TTYH2: variants seen among roughly 807,000 people sequenced by gnomAD.
TTYH2 encodes protein tweety homolog 2.
Under a neutral mutation model 68.3 loss-of-function variants are expected in TTYH2, and 49 were observed. The observed-to-expected ratio is 0.72, with a 90% CI of 0.57 to 0.91. The LOEUF (loss-of-function observed/expected upper bound fraction) is 0.91. TTYH2 is among the 40% of genes least tolerant of loss of function. The probability of loss-of-function intolerance (pLI) is 0.00; values close to 1 mark genes in which losing one functional copy is unlikely to be tolerated. For synonymous variants in TTYH2, 272 were observed against 300.8 expected (o/e 0.90, Z 0.99); for missense variants, 631 against 700.4 (o/e 0.90, Z 1.12).
chr17:74,252,244 A>T lies in TTYH2; in HGVS notation c.1127A>T (p.Asp376Val). Residue 376 changes from aspartate (D) to valine (V), a missense_variant, in exon 11 of 14, where the codon GAC becomes GTC. By Grantham distance (152) the Asp-to-Val change is radical. Transcript: ENST00000269346. ...DCRGLHKDYL[D>V]ALAGICYDGL... ...CTCCTCTTCCTCCAGGATTATCTGG[A>T]CGCTCTTGCTGGCATCTGCTACGAC... The T allele has an allele frequency of 1.2e-6, 2 of 1,612,802 alleles. No individual in the cohort carries two copies. Among genetic ancestry groups the T allele is most frequent in the Middle Eastern group, 1.6e-4 (1 of 6,062 alleles).
intron 6 of TTYH2, among the ~76,000 whole-genome samples, chr17:74,245,245 G>A (rs2050545147): frequency 6.6e-6 from 1 of 152,232 alleles, no homozygotes; most frequent in Non-Finnish European, 1.5e-5. Context: ...AGTGACCACG[G>A]ACCAAGGAAT....
At chr17:74,225,996 G>A (rs2050326022) in intron 2 of TTYH2, among the ~76,000 whole-genome samples, 1 of 152,256 alleles carries the variant, frequency 6.6e-6, no homozygotes, top group African/African-American at 2.4e-5. Flanking sequence ...GAGTCAGCTA[G>A]GGAGGTTTGG....
rs767399506 is a variant in TTYH2, at chr17:74,213,706, G to A, written c.119G>A (p.Ser40Asn). Residue 40 changes from serine to asparagine, a missense_variant, in exon 1 of 14, where the codon AGT (serine) becomes AAT (asparagine). Coordinates refer to ENST00000269346, the MANE Select transcript of TTYH2 (RefSeq NM_032646.6). This position sits in a 1 kb window ranked among gnomAD's most constrained non-coding sequence, Gnocchi z 6.1. Reference protein sequence around the residue: ...VNSTFSPGDESYQESLLFLGL... With the variant: ...VNSTFSPGDENYQESLLFLGL... ...AGCACCTTCAGCCCCGGCGACGAGA[G>A]TTACCAGGAGGTAAGTTTACGCCGC... 1.2e-6 allele frequency: 2 copies of A among 1,612,316 alleles called. No homozygotes were observed. Among genetic ancestry groups the A allele is most frequent in the Non-Finnish European group, 1.7e-6 (2 of 1,179,370 alleles).
intron 10 of TTYH2, 151 bp downstream of exon 10, chr17:74,250,508 G>A (rs1193608599): frequency 1.5e-6 from 1 of 656,336 alleles, no homozygotes; most frequent in Non-Finnish European, 2.6e-6. Flanking sequence ...TGGGAAGGGA[G>A]GGGGTGCCTG....
chr17:74,226,960 T>A (rs535013236), intron 2 of TTYH2, among the ~76,000 whole-genome samples: 13 of 152,124 alleles, frequency 8.5e-5, no homozygotes, highest in African/African-American at 2.9e-4. Context: ...TCTTTTCTCT[T>A]CCTTTCCTTT....
Position 74,250,362 on chromosome 17 carries a change from A to G in TTYH2, c.1116+5A>G, listed in dbSNP as rs1212237527. 4.3e-6 allele frequency: 7 copies of G among 1,612,192 alleles called. No individual in the cohort carries two copies. The highest frequency in any genetic ancestry group is 2.7e-5 in the African/African-American group (2 of 74,904). On this transcript the variant is annotated splice_donor_5th_base_variant and intron_variant, in intron 10 of 13. Coordinates refer to ENST00000269346, the MANE Select transcript of TTYH2 (RefSeq NM_032646.6). ...GACTGCCGAGGGCTGCACAAGGTGC[A>G]TGGGGACCCTGGGGTCACGTGGAGA...
chr17:74,242,432 G>A (rs1182346717), intron 4 of TTYH2, among the ~76,000 whole-genome samples: 2 of 152,144 alleles, frequency 1.3e-5, no homozygotes, highest in Non-Finnish European at 2.9e-5. Flanking sequence ...TCACTCTGTG[G>A]CCCAGGCTGG....
intron 4 of TTYH2, among the ~76,000 whole-genome samples, chr17:74,237,900 T>C (rs1036280085): frequency 6.6e-6 from 1 of 152,166 alleles, no homozygotes; most frequent in Non-Finnish European, 1.5e-5. Flanking sequence ...CCCAAAGTGC[T>C]GGGATTACAG....
At chr17:74,240,513 C>T (rs530713041) in intron 4 of TTYH2, among the ~76,000 whole-genome samples, 36 of 152,286 alleles carry the variant, frequency 2.4e-4, no homozygotes, top group Admixed American at 1.6e-3. Context: ...TATTCTACCC[C>T]TTCTCCTGTC....
chr17:74,237,311 G>A lies in TTYH2; in HGVS notation c.432G>A (p.Gln144=). 1 of 1,614,132 alleles carries A rather than the reference G, an allele frequency of 6.2e-7. No homozygotes were observed. Among genetic ancestry groups the A allele is most frequent in the African/African-American group, 1.3e-5 (1 of 75,026 alleles). The change falls in exon 4 of 14, where the codon CAG becomes CAA. Residue 144 remains glutamine, a synonymous_variant. Transcript: ENST00000269346. ...GIDALVSGTT[Q]KMKVDLEQHL... is the part of the protein sequence containing the mutation. ...CTCCCTAGGTTTCCGGAACTACCCA[G>A]AAGATGAAGGTGGACCTAGAGCAGC...
chr17:74,213,808 C>A lies in TTYH2; in HGVS notation c.129+92C>A. ...TCGAGAGCCTGCACTTTCCCACGTG[C>A]CTCTCAGACCCCTTCTCTCCCCGCG... is the stretch of plus-strand genomic sequence containing the variant. On this transcript the variant is annotated intron_variant, in intron 1 of 13. Coordinates refer to ENST00000269346, the MANE Select transcript of TTYH2 (RefSeq NM_032646.6). This position sits in a 1 kb window ranked among gnomAD's most constrained non-coding sequence, Gnocchi z 6.1. 1 of 1,457,948 alleles carries A rather than the reference C, an allele frequency of 6.9e-7. No individual in the cohort carries two copies. The highest frequency in any genetic ancestry group is 9.3e-7 in the Non-Finnish European group (1 of 1,071,926). The allele number at this position is 1,457,948 out of a possible 1,614,324, so 90.3% of individuals were successfully genotyped here.
intron 1 of TTYH2, among the ~76,000 whole-genome samples, chr17:74,221,882 G>T (rs79787107): frequency 0.01 from 1,561 of 152,180 alleles, 27 homozygotes; most frequent in African/African-American, 0.036. Context: ...CTGGCTTCTC[G>T]ATTCTCAGGA....
chr17:74,230,360 G>T (rs532917529), intron 2 of TTYH2, among the ~76,000 whole-genome samples: 1 of 151,986 alleles, frequency 6.6e-6, no homozygotes, highest in African/African-American at 2.4e-5. Flanking sequence ...CTCCCAAAGT[G>T]TTGGGATCAC....
intron 6 of TTYH2, chr17:74,248,572 T>A (rs545052571): frequency 9.7e-7 from 1 of 1,028,824 alleles, no homozygotes; most frequent in East Asian, 8.2e-5. Context: ...CACTTGATCA[T>A]AGCAAGACAA....
intron 2 of TTYH2, among the ~76,000 whole-genome samples, chr17:74,224,998 CAAA>C (rs112895924): frequency 4.1e-5 from 5 of 123,440 alleles, no homozygotes; most frequent in Non-Finnish European, 7.0e-5. Context: ...GACTCCGTCT[CAAA>C]AAAAAAAAAA....
intron 13 of TTYH2, among the ~76,000 whole-genome samples, chr17:74,258,780 G>C (rs1300481838): frequency 6.6e-6 from 1 of 152,062 alleles, no homozygotes; most frequent in Non-Finnish European, 1.5e-5. Context: ...CCAGTGCCCA[G>C]TTGTGACAAC....
In TTYH2 at chr17:74,222,920, G is replaced by C. The variant is rs1006773410; in HGVS notation, c.302+263G>C. Reference sequence around the variant, plus strand: ...TTGTCCTGTGCCCAGCAGCTGTGCAGGCAGCATTTCTGCACCGACACTGGG... The same window carrying C: ...TTGTCCTGTGCCCAGCAGCTGTGCACGCAGCATTTCTGCACCGACACTGGG... On this transcript the variant is annotated intron_variant, in intron 2 of 13. Transcript: ENST00000269346. The surrounding 1 kb of genome is among the most constrained non-coding windows in gnomAD (Gnocchi z 5.2). Among the ~76,000 whole-genome samples the C allele has an allele frequency of 2.3e-4, 35 of 152,216 alleles. 1 individual carries two copies. Among genetic ancestry groups the C allele is most frequent in the Middle Eastern group, 6.8e-3 (2 of 294 alleles).
Position 74,252,251 on chromosome 17 carries a change from T to A in TTYH2, c.1134T>A (p.Leu378=), listed in dbSNP as rs1258005434. The A allele has an allele frequency of 8.7e-6, 14 of 1,613,190 alleles. No individual in the cohort carries two copies. The highest frequency in any genetic ancestry group is 1.2e-5 in the Non-Finnish European group (14 of 1,180,030). ...TCCTCCAGGATTATCTGGACGCTCTTGCTGGCATCTGCTACGACGGCCTCC... is the reference window on the plus strand; with the variant it reads ...TCCTCCAGGATTATCTGGACGCTCTAGCTGGCATCTGCTACGACGGCCTCC... ...RGLHKDYLDA[L]AGICYDGLQG... is the part of the protein sequence containing the mutation. Residue 378 remains leucine (L), a synonymous_variant, in exon 11 of 14, where the codon CTT becomes CTA. Transcript: ENST00000269346.
intron 4 of TTYH2, among the ~76,000 whole-genome samples, chr17:74,243,102 C>T (rs1456333571): frequency 2.0e-5 from 3 of 152,188 alleles, no homozygotes; most frequent in African/African-American, 7.2e-5. Flanking sequence ...ACAGCTCCTC[C>T]ACTGGGGAAA....
Sources: gnomAD v4.1 joint callset for allele counts (sites outside exome capture counted in the v4.1 genomes callset) on GRCh38, gnomAD v4.1.1 for gene constraint, Gnocchi (gnomAD v3.1) non-coding constraint, MANE v1.5 for transcripts, NCBI Gene and HGNC (gene_info 2026-07-23, HGNC 2026-07-21) for gene names.